The following DCBLD2 variants were observed in gnomAD, a reference collection of about 807,000 sequenced individuals.
The protein encoded by DCBLD2 is discoidin, CUB and LCCL domain-containing protein 2.
DCBLD2 carries 54 observed loss-of-function variants against 86.8 expected under a neutral mutation model. That is an observed-to-expected ratio of 0.62 (90% CI 0.50 to 0.78). The LOEUF is 0.78. DCBLD2 is among the 30% of genes least tolerant of loss of function. The pLI, the probability that DCBLD2 is intolerant of heterozygous loss-of-function variation, is 0.00. For synonymous variants in DCBLD2, 354 were observed against 341.3 expected, an observed-to-expected ratio of 1.04 and a Z score of -0.41; for missense variants, 908 against 954.2, an observed-to-expected ratio of 0.95 and a Z score of 0.64.
chr3:98,825,646 TATATA>T lies in DCBLD2; in HGVS notation c.572-285_572-281del, dbSNP rs1559775666. Among the ~76,000 whole-genome samples the T allele has an allele frequency of 1.1e-3, 16 of 15,236 alleles. 1 individual carries two copies. The highest frequency in any genetic ancestry group is 1.7e-3 in the South Asian group (1 of 588). The allele number at this position is 15,236 out of a possible 152,430, so 10.0% of individuals were successfully genotyped here. A position where few individuals can be genotyped will look rare whatever the true frequency, so the allele number is the denominator to read the frequency against. On this transcript the variant is annotated intron_variant, in intron 3 of 15. Transcript: ENST00000326840. ...ACACATATATGTATATGTGTATTTA[TATATA>T]TATATATATATATATATATATATAT...
intron 3 of DCBLD2, among the ~76,000 whole-genome samples, chr3:98,828,360 T>A (rs1018796199): frequency 6.6e-6 from 1 of 152,106 alleles, no homozygotes; most frequent in African/African-American, 2.4e-5. Context: ...TTATGTGGCA[T>A]TAAAAAGACA....
rs1268503113 is a variant in DCBLD2 at position 98,799,550 on chromosome 3, G to A, written c.2150C>T (p.Thr717Ile). ...QPPPLVGTYN[T>I]LLSRTDSCSS... Reference sequence around the variant, plus strand: ...GCAGCTGTCAGTCCTGGAGAGAAGTGTATTGTAAGTTCCCACTAGTGGGGG... The same window carrying A: ...GCAGCTGTCAGTCCTGGAGAGAAGTATATTGTAAGTTCCCACTAGTGGGGG... Residue 717 changes from threonine to isoleucine, a missense_variant, in exon 16 of 16, where the codon ACA becomes ATA. This residue lies in a region of DCBLD2 where 606 missense variants were observed against 678.5 expected (regional missense o/e 0.89). Transcript: ENST00000326840. 3 of 1,614,000 alleles carry A rather than the reference G, an allele frequency of 1.9e-6. No individual in the cohort carries two copies. The highest frequency in any genetic ancestry group is 1.7e-6 in the Non-Finnish European group (2 of 1,179,898).
At chr3:98,879,450 G>A (rs979195397) in intron 2 of DCBLD2, among the ~76,000 whole-genome samples, 5 of 151,848 alleles carry the variant, frequency 3.3e-5, no homozygotes, top group Non-Finnish European at 5.9e-5. Context: ...GCAGTGGCTC[G>A]ATCTCGGCTC....
intron 1 of DCBLD2, among the ~76,000 whole-genome samples, chr3:98,886,803 C>G (rs1364477436): frequency 7.4e-6 from 1 of 134,898 alleles, no homozygotes; most frequent in East Asian, 2.4e-4. Flanking sequence ...CAGGAAAACC[C>G]CCCCCCTTTT....
At chr3:98,900,795 T>G (rs1230514250) in intron 1 of DCBLD2, 2 of 390,904 alleles carry the variant, frequency 5.1e-6, no homozygotes, top group Non-Finnish European at 4.8e-6. Flanking sequence ...AGCTTAACTT[T>G]AGGGGTCATT....
At chr3:98,857,959 G>A (rs551288780) in intron 2 of DCBLD2, among the ~76,000 whole-genome samples, 231 of 152,370 alleles carry the variant, frequency 1.5e-3, no homozygotes, top group African/African-American at 5.0e-3. Flanking sequence ...TGCCAGTCCC[G>A]CGCCGTGCGC....
At chr3:98,805,975 A>T (rs1342243215) in intron 13 of DCBLD2, among the ~76,000 whole-genome samples, 3 of 152,212 alleles carry the variant, frequency 2.0e-5, no homozygotes, top group Non-Finnish European at 4.4e-5. Context: ...ATAACTAGGC[A>T]GGTTATTTAT....
At chr3:98,884,639 A>G (rs1289353343) in intron 1 of DCBLD2, among the ~76,000 whole-genome samples, 4 of 152,110 alleles carry the variant, frequency 2.6e-5, no homozygotes, top group African/African-American at 9.7e-5. Flanking sequence ...TGCCCTTACT[A>G]CTGAAAAGAT....
chr3:98,872,366 G>A (rs952155438), intron 2 of DCBLD2, among the ~76,000 whole-genome samples: 41 of 152,046 alleles, frequency 2.7e-4, no homozygotes, highest in Admixed American at 1.6e-3. Flanking sequence ...CAGCCTCCTC[G>A]GTCCCCTCTC....
intron 3 of DCBLD2, among the ~76,000 whole-genome samples, chr3:98,832,527 G>T (rs1942341486): frequency 6.6e-6 from 1 of 152,152 alleles, no homozygotes; most frequent in Non-Finnish European, 1.5e-5. Context: ...TTCCTTTATA[G>T]TGTCACTGGT....
chr3:98,823,667 A>C (rs1389875500), intron 4 of DCBLD2, among the ~76,000 whole-genome samples: 1 of 152,182 alleles, frequency 6.6e-6, no homozygotes, highest in Non-Finnish European at 1.5e-5. Flanking sequence ...AACCGCAAGA[A>C]ATCTAACTTA....
chr3:98,832,216 T>G (rs2107459938), intron 3 of DCBLD2, among the ~76,000 whole-genome samples: 1 of 152,346 alleles, frequency 6.6e-6, no homozygotes, highest in East Asian at 1.9e-4. Context: ...TTTTGAGCTT[T>G]GTTCGTTTAA....
intron 3 of DCBLD2, among the ~76,000 whole-genome samples, chr3:98,842,862 T>C (rs563562407): frequency 2.6e-5 from 4 of 152,290 alleles, no homozygotes; most frequent in Admixed American, 2.6e-4. Context: ...AGGAAGCTAA[T>C]AAATACATTA....
At position 98,874,797 on chromosome 3, in the gene DCBLD2, T is replaced by C. The variant is rs1233287764; in HGVS notation, c.433+6743A>G. ...TCTCCTCATCCCTCCAACCTCGTCA[T>C]GTGAGGACACAGGAAGAAGGTGGCC... On this transcript the variant is annotated intron_variant, in intron 2 of 15. Coordinates refer to ENST00000326840, the MANE Select transcript of DCBLD2 (RefSeq NM_080927.4). 3.3e-5 allele frequency among the ~76,000 whole-genome samples: 5 copies of C among 152,350 alleles called. No homozygotes were observed. The East Asian group carries it at 5.8e-4, about 18-fold the overall frequency.
Position 98,796,534 on chromosome 3 carries a change from C to A in DCBLD2, c.*2838G>T, listed in dbSNP as rs1252879340. The A allele has an allele frequency of 1.3e-5, 2 of 152,640 alleles. No individual in the cohort carries two copies. Among genetic ancestry groups the A allele is most frequent in the Admixed American group, 1.3e-4 (2 of 15,276 alleles). The allele number at this position is 152,640 out of a possible 1,614,324, so 9.5% of individuals were successfully genotyped here. On this transcript the variant is annotated 3_prime_UTR_variant, in exon 16 of 16. Transcript: ENST00000326840. ...ATTCATATTTAGATAAGCTCGGACT[C>A]TGCTCCCCTCTTCTGGAGATGGGGA...
chr3:98,808,370 A>G (rs1291558109), intron 12 of DCBLD2, among the ~76,000 whole-genome samples, 196 bp from the exon 13 acceptor site: 1 of 152,240 alleles, frequency 6.6e-6, no homozygotes, highest in Non-Finnish European at 1.5e-5. Flanking sequence ...TTGTTACACT[A>G]TTCATTCCAT....
chr3:98,799,070 T>A lies in DCBLD2; in HGVS notation c.*302A>T, dbSNP rs1034497290. 3 of 251,514 alleles carry A rather than the reference T, an allele frequency of 1.2e-5. No individual in the cohort carries two copies. The highest frequency in any genetic ancestry group is 2.3e-5 in the Non-Finnish European group (3 of 130,050). 15.6% of individuals were successfully genotyped at this position (251,514 alleles called of 1,614,324 possible). On this transcript the variant is annotated 3_prime_UTR_variant, in exon 16 of 16. Transcript: ENST00000326840. ...ATGTACCTGCAGCATTGGTAATAAATACTCTGTGATTTTTAATTTCTCTGA... is the reference window on the plus strand; with the variant it reads ...ATGTACCTGCAGCATTGGTAATAAAAACTCTGTGATTTTTAATTTCTCTGA...
At chr3:98,884,854 C>CT (rs991036239) in intron 1 of DCBLD2, among the ~76,000 whole-genome samples, 10 of 152,180 alleles carry the variant, frequency 6.6e-5, no homozygotes, top group African/African-American at 2.4e-4. Context: ...GATTGTCACA[C>CT]TTAAGGTATT....
At chr3:98,824,021 G>T (rs1942170570) in intron 4 of DCBLD2, among the ~76,000 whole-genome samples, 1 of 152,146 alleles carries the variant, frequency 6.6e-6, no homozygotes, top group Admixed American at 6.5e-5. Context: ...ACAGCATGAG[G>T]CAGGATGGCC....
Sources: allele counts gnomAD v4.1 joint callset (sites outside exome capture counted in the v4.1 genomes callset), GRCh38; gene constraint gnomAD v4.1.1; regional missense constraint gnomAD v4.1.1; transcripts MANE v1.5; gene names NCBI Gene and HGNC (gene_info 2026-07-23, HGNC 2026-07-21).